Variants in ARMC2 observed in about 807,000 individuals in gnomAD.
The protein encoded by ARMC2 is armadillo repeat containing 2, also known as armadillo repeat-containing protein 2.
A neutral mutation model predicts 90.3 loss-of-function variants in ARMC2; 67 were observed. That is an observed-to-expected ratio of 0.74 (90% CI 0.61 to 0.91). The LOEUF (loss-of-function observed/expected upper bound fraction) is 0.91. Ranked by LOEUF, ARMC2 falls within the 40% of genes least tolerant of loss-of-function variation. The pLI is 0.00. For missense variants in ARMC2, 920 were observed against 1,030.9 expected (o/e 0.89, Z 1.47); for synonymous variants, 393 against 393.0 (o/e 1.00, Z 0.00).
At chr6:108,911,953 A>G (rs896727075) in intron 9 of ARMC2, among the ~76,000 whole-genome samples, 1 of 152,166 alleles carries the variant, frequency 6.6e-6, no homozygotes, top group Non-Finnish European at 1.5e-5. Flanking sequence ...GAATACAGTT[A>G]CAAATATATT....
the ARMC2 span, among the ~76,000 whole-genome samples, chr6:109,049,111 T>A: frequency 6.6e-6 from 1 of 151,940 alleles, no homozygotes; most frequent in Admixed American, 6.6e-5. Flanking sequence ...TCTTGGCACA[T>A]AAAAGTAGGA....
Position 108,854,423 on chromosome 6 carries a change from A to G in ARMC2, c.156A>G (p.Gln52=), listed in dbSNP as rs762064311. 1.2e-6 allele frequency: 2 copies of G among 1,613,652 alleles called. No homozygotes were observed. Among genetic ancestry groups the G allele is most frequent in the East Asian group, 4.5e-5 (2 of 44,804 alleles). Residue 52 remains glutamine, a synonymous_variant, in exon 2 of 18, where the codon CAA becomes CAG. Coordinates refer to ENST00000392644, the MANE Select transcript of ARMC2 (RefSeq NM_032131.6). ...GACCATTTACACCACAGGAGGCTCA[A>G]AGAAAACTATTCGGACCTGCATCCT... ...TQRPFTPQEA[Q]RKLFGPASSR...
intron 7 of ARMC2, among the ~76,000 whole-genome samples, chr6:108,900,101 T>C (rs1196655219): frequency 6.6e-6 from 1 of 152,182 alleles, no homozygotes; most frequent in African/African-American, 2.4e-5. Flanking sequence ...TTAACCTCTC[T>C]CAGGTGGCTC....
At chr6:108,862,676 A>G (rs1775393520) in intron 3 of ARMC2, among the ~76,000 whole-genome samples, 1 of 152,092 alleles carries the variant, frequency 6.6e-6, no homozygotes, top group Non-Finnish European at 1.5e-5. Context: ...GAGTGGAGAG[A>G]AGGAGATAAC....
intron 3 of ARMC2, among the ~76,000 whole-genome samples, chr6:108,867,101 T>C (rs546328819): frequency 2.1e-3 from 327 of 152,352 alleles, no homozygotes; most frequent in African/African-American, 7.5e-3. Flanking sequence ...ATTCACATGT[T>C]ATAGAAGTGA....
intron 3 of ARMC2, 138 bp from the exon 4 acceptor site, chr6:108,868,686 T>A: frequency 1.4e-6 from 1 of 697,556 alleles, no homozygotes; most frequent in Non-Finnish European, 2.4e-6. Flanking sequence ...GGCCAGTGAG[T>A]TGGTAGAATC....
At chr6:108,900,464 G>T (rs565063002) in intron 7 of ARMC2, among the ~76,000 whole-genome samples, 2 of 152,326 alleles carry the variant, frequency 1.3e-5, no homozygotes, top group Admixed American at 1.3e-4. Context: ...TGGAGCAGTG[G>T]TCATAGCCCT....
In ARMC2 at chr6:108,964,250, C is replaced by A; in HGVS notation, c.2223C>A (p.Leu741=). ...TCTGCTTTTCTGCCTGTGGTGTTCT[C>A]CTCAATCTCACTGTGGATAAAGACA... The part of the protein sequence containing the change: ...QDICFSACGV[L]LNLTVDKDKR... Residue 741 remains leucine, a synonymous_variant, in exon 16 of 18, where the codon CTC becomes CTA. Transcript: ENST00000392644. 6.2e-7 allele frequency: 1 copy of A among 1,613,912 alleles called. No homozygotes were observed. Among genetic ancestry groups the A allele is most frequent in the South Asian group, 1.1e-5 (1 of 91,070 alleles).
At chr6:108,873,731 T>C (rs1379331130) in intron 4 of ARMC2, among the ~76,000 whole-genome samples, 1 of 152,182 alleles carries the variant, frequency 6.6e-6, no homozygotes, top group African/African-American at 2.4e-5. Context: ...TTCTTCAAGC[T>C]GTTTACGTCT....
the ARMC2 span, chr6:108,988,835 C>T: frequency 1.7e-6 from 1 of 586,246 alleles, no homozygotes; most frequent in Admixed American, 3.5e-5. Flanking sequence ...TTTATAACTG[C>T]AGATGAATAA....
the ARMC2 span, among the ~76,000 whole-genome samples, chr6:109,008,363 G>C: frequency 6.6e-6 from 1 of 152,166 alleles, no homozygotes; most frequent in Non-Finnish European, 1.5e-5. Flanking sequence ...TTTCCAAAGC[G>C]ATACTGTAAG....
the ARMC2 span, chr6:108,998,775 AG>A: frequency 6.3e-7 from 1 of 1,589,876 alleles, no homozygotes; most frequent in Non-Finnish European, 8.6e-7. Flanking sequence ...AAAAAAAAAA[AG>A]AATATATTTT....
chr6:109,043,554 T>C, the ARMC2 span, among the ~76,000 whole-genome samples: 9 of 151,916 alleles, frequency 5.9e-5, no homozygotes, highest in Admixed American at 3.9e-4. Flanking sequence ...TATACAAGAG[T>C]GAATTGCTTT....
chr6:108,925,277 A>T (rs896486227), intron 10 of ARMC2, among the ~76,000 whole-genome samples: 10 of 152,248 alleles, frequency 6.6e-5, no homozygotes, highest in African/African-American at 2.4e-4. Context: ...TACCTCAGAG[A>T]TATTGTCTGC....
the ARMC2 span, among the ~76,000 whole-genome samples, chr6:109,029,293 C>G: frequency 6.6e-6 from 1 of 152,116 alleles, no homozygotes; most frequent in Non-Finnish European, 1.5e-5. Context: ...ATAGAAATCA[C>G]GGGTTAAAAC....
At chr6:109,014,006 C>CTTT in the ARMC2 span, among the ~76,000 whole-genome samples, 20 of 143,542 alleles carry the variant, frequency 1.4e-4, 1 homozygote, top group South Asian at 4.5e-3. Context: ...TTGCTCTATA[C>CTTT]TTTTTTTTTT....
intron 8 of ARMC2, among the ~76,000 whole-genome samples, chr6:108,910,520 G>A (rs904315993): frequency 2.0e-5 from 3 of 152,110 alleles, no homozygotes; most frequent in Admixed American, 1.3e-4. Context: ...ACAGATTGGA[G>A]GTTCCTCAAA....
At chr6:108,972,895 G>A (rs1313012768) in intron 17 of ARMC2, among the ~76,000 whole-genome samples, 1 of 150,670 alleles carries the variant, frequency 6.6e-6, no homozygotes, top group Non-Finnish European at 1.5e-5. Context: ...CTTGAACTCT[G>A]GGGCTCAAGC....
At chr6:108,980,460 C>T in the ARMC2 span, among the ~76,000 whole-genome samples, 465 of 151,302 alleles carry the variant, frequency 3.1e-3, 5 homozygotes, top group African/African-American at 0.011. Flanking sequence ...AGTCAGGATA[C>T]GCGGGTGGCC....
Sources: gnomAD v4.1 joint callset for allele counts (sites outside exome capture counted in the v4.1 genomes callset) on GRCh38, gnomAD v4.1.1 for gene constraint, MANE v1.5 for transcripts, NCBI Gene and HGNC (gene_info 2026-07-23, HGNC 2026-07-21) for gene names.